The following TOX variants were observed in gnomAD, a reference collection of about 807,000 sequenced individuals.
The protein encoded by TOX is thymocyte selection associated high mobility group box.
A neutral mutation model predicts 53.7 loss-of-function variants in TOX; 11 were observed. That is an observed-to-expected ratio of 0.20 (90% CI 0.13 to 0.34). TOX has a LOEUF of 0.34. Among genes scored for constraint, TOX ranks in the 10% least tolerant of loss-of-function variants. TOX has a pLI of 1.00. For missense variants in TOX, 570 were observed against 664.6 expected (o/e 0.86, Z 1.56); for synonymous variants, 225 against 245.3 (o/e 0.92, Z 0.77).
At chr8:59,092,229 G>A (rs1238047720) in intron 1 of TOX, among the ~76,000 whole-genome samples, 2 of 121,700 alleles carry the variant, frequency 1.6e-5, no homozygotes, top group African/African-American at 8.1e-5. Context: ...TCCAGCCTGG[G>A]CGAAAGAGCA....
chr8:58,955,508 A>C (rs909535524), intron 2 of TOX, among the ~76,000 whole-genome samples: 40 of 152,154 alleles, frequency 2.6e-4, no homozygotes, highest in African/African-American at 9.4e-4. Flanking sequence ...TTAAAAATCT[A>C]GTTCAATCAA....
intron 7 of TOX, among the ~76,000 whole-genome samples, chr8:58,809,640 G>C (rs911360281): frequency 1.3e-5 from 2 of 152,200 alleles, no homozygotes; most frequent in African/African-American, 4.8e-5. Flanking sequence ...TTCACAGCTT[G>C]TTTACGGAAA....
At chr8:59,017,286 G>C (rs1814032742) in intron 1 of TOX, among the ~76,000 whole-genome samples, 1 of 152,172 alleles carries the variant, frequency 6.6e-6, no homozygotes, top group Non-Finnish European at 1.5e-5. Context: ...AATTTGGAGA[G>C]ACCCTGTCTA....
intron 1 of TOX, among the ~76,000 whole-genome samples, chr8:59,024,931 C>T (rs984606443): frequency 6.6e-6 from 1 of 152,116 alleles, no homozygotes; most frequent in Non-Finnish European, 1.5e-5. Flanking sequence ...TATTAAAGAT[C>T]ATAGTGAAGT....
At chr8:59,025,983 G>A (rs1450655141) in intron 1 of TOX, among the ~76,000 whole-genome samples, 1 of 152,206 alleles carries the variant, frequency 6.6e-6, no homozygotes, top group African/African-American at 2.4e-5. Flanking sequence ...TGCACCACGT[G>A]AGTGTAAACA....
chr8:58,991,892 G>C, intron 1 of TOX: 1 of 152,312 alleles, frequency 6.6e-6, no homozygotes, highest in Middle Eastern at 3.1e-3. Flanking sequence ...GGAGCAGCAT[G>C]ATTTACAGAA....
chr8:59,068,512 TA>T (rs1273476309), intron 1 of TOX, among the ~76,000 whole-genome samples: 2 of 151,594 alleles, frequency 1.3e-5, no homozygotes, highest in Non-Finnish European at 2.9e-5. Flanking sequence ...CGGAAAAAAG[TA>T]AAAAAAGAGG....
At chr8:58,966,906 G>C (rs1812912996) in intron 1 of TOX, among the ~76,000 whole-genome samples, 1 of 132,200 alleles carries the variant, frequency 7.6e-6, no homozygotes, top group Non-Finnish European at 1.6e-5. Flanking sequence ...ATGGAGTCTT[G>C]CTCTGTCGCC....
At chr8:59,007,557 G>A (rs1813815178) in intron 1 of TOX, among the ~76,000 whole-genome samples, 1 of 152,156 alleles carries the variant, frequency 6.6e-6, no homozygotes, top group Non-Finnish European at 1.5e-5. Context: ...TTGAATAATG[G>A]TATCTGAGTA....
chr8:58,906,030 A>C (rs537814177), intron 3 of TOX, among the ~76,000 whole-genome samples: 3 of 152,354 alleles, frequency 2.0e-5, no homozygotes, highest in African/African-American at 7.2e-5. Context: ...GGAATATAAA[A>C]TATTAACTGA....
At chr8:58,984,390 T>C (rs895634335) in intron 1 of TOX, among the ~76,000 whole-genome samples, 5 of 152,180 alleles carry the variant, frequency 3.3e-5, no homozygotes, top group Non-Finnish European at 5.9e-5. Context: ...GATGTGTAAA[T>C]GGCCAATAGC....
chr8:59,083,688 C>T (rs1227935627), intron 1 of TOX, among the ~76,000 whole-genome samples: 2 of 152,112 alleles, frequency 1.3e-5, no homozygotes, highest in African/African-American at 2.4e-5. Flanking sequence ...TCTTGCCAGC[C>T]CTGCTACTGA....
intron 3 of TOX, among the ~76,000 whole-genome samples, chr8:58,931,252 A>G (rs1313581309): frequency 6.6e-6 from 1 of 152,198 alleles, no homozygotes; most frequent in Non-Finnish European, 1.5e-5. Flanking sequence ...ATTAGAAAAA[A>G]TCAGAAATTA....
intron 1 of TOX, among the ~76,000 whole-genome samples, chr8:58,961,545 T>C (rs377462855): frequency 6.6e-6 from 1 of 152,074 alleles, no homozygotes; most frequent in Non-Finnish European, 1.5e-5. Context: ...TTTTTTTTTT[T>C]TGAGATGGAG....
At chr8:59,044,058 T>G (rs1803642447) in intron 1 of TOX, among the ~76,000 whole-genome samples, 1 of 152,156 alleles carries the variant, frequency 6.6e-6, no homozygotes, top group Non-Finnish European at 1.5e-5. Context: ...ATATAGCTAT[T>G]TCTCTGAGCC....
At chr8:58,807,907 T>C in intron 8 of TOX, 124 bp from the exon 9 acceptor site, 2 of 1,336,742 alleles carry the variant, frequency 1.5e-6, no homozygotes, top group Non-Finnish European at 1.1e-6. Context: ...AAACTGCAAT[T>C]AGTTAACCTA....
intron 6 of TOX, among the ~76,000 whole-genome samples, chr8:58,826,494 A>G (rs1288515435): frequency 6.6e-6 from 1 of 152,170 alleles, no homozygotes; most frequent in East Asian, 1.9e-4. Flanking sequence ...GTAAAGGCCA[A>G]TGGCATGGGG....
intron 1 of TOX, among the ~76,000 whole-genome samples, chr8:58,983,470 A>T (rs752064851): frequency 6.6e-6 from 1 of 152,216 alleles, no homozygotes; most frequent in Non-Finnish European, 1.5e-5. Flanking sequence ...ATGCTACAGA[A>T]ATCTGAATAA....
chr8:58,885,205 T>C (rs539934477), intron 3 of TOX, among the ~76,000 whole-genome samples: 3 of 152,252 alleles, frequency 2.0e-5, no homozygotes, highest in Admixed American at 1.3e-4. Flanking sequence ...AAAATTTATA[T>C]TCTCTATCAT....
Sources: allele counts gnomAD v4.1 joint callset (sites outside exome capture counted in the v4.1 genomes callset), GRCh38; gene constraint gnomAD v4.1.1; transcripts MANE v1.5; gene names NCBI Gene and HGNC (gene_info 2026-07-23, HGNC 2026-07-21).